The following BABAM2 variants were observed in gnomAD, a reference collection of about 807,000 sequenced individuals.
BABAM2 encodes BRISC and BRCA1-A complex member 2.
A neutral mutation model predicts 54.7 loss-of-function variants in BABAM2; 31 were observed. The observed-to-expected ratio is 0.57, with a 90% CI of 0.43 to 0.77. The LOEUF is 0.77. BABAM2 is among the 30% of genes least tolerant of loss of function. BABAM2 has a pLI of 0.00. For synonymous variants in BABAM2, 167 were observed against 162.9 expected (o/e 1.03, Z -0.19); for missense variants, 364 against 455.8 (o/e 0.80, Z 1.83).
At chr2:28,224,927 T>C (rs1680749120) in intron 7 of BABAM2, among the ~76,000 whole-genome samples, 1 of 151,510 alleles carries the variant, frequency 6.6e-6, no homozygotes, top group Non-Finnish European at 1.5e-5. Context: ...CTTTATTTGA[T>C]GTGGTTCTTT....
chr2:28,096,867 T>G (rs968719183), intron 6 of BABAM2, among the ~76,000 whole-genome samples: 1 of 152,160 alleles, frequency 6.6e-6, no homozygotes, highest in African/African-American at 2.4e-5. Flanking sequence ...AGTAGAATTA[T>G]TGGGCCAAAG....
At chr2:27,915,940 T>C (rs1666937493) in intron 2 of BABAM2, among the ~76,000 whole-genome samples, 1 of 152,230 alleles carries the variant, frequency 6.6e-6, no homozygotes, top group South Asian at 2.1e-4. Context: ...TACTCTGCTT[T>C]TGTGCTTTCC....
chr2:28,097,809 G>A (rs115747209), intron 6 of BABAM2, among the ~76,000 whole-genome samples: 3,041 of 152,244 alleles, frequency 0.02, 34 homozygotes, highest in African/African-American at 0.033. Flanking sequence ...GTGAGCTTAA[G>A]GCTCTAACTT....
intron 11 of BABAM2, among the ~76,000 whole-genome samples, chr2:28,320,734 A>G (rs897509949): frequency 1.3e-5 from 2 of 152,214 alleles, no homozygotes; most frequent in Non-Finnish European, 2.9e-5. Flanking sequence ...TGCAGAAGGC[A>G]GGAAGACCCT....
chr2:28,094,907 C>CTTTT (rs202097046), intron 6 of BABAM2, among the ~76,000 whole-genome samples: 1 of 130,656 alleles, frequency 7.7e-6, no homozygotes, highest in African/African-American at 2.8e-5. Flanking sequence ...GCTCCCTCTT[C>CTTTT]TTTTTTTTTT....
At chr2:28,101,584 C>G (rs1409737468) in intron 6 of BABAM2, among the ~76,000 whole-genome samples, 3 of 152,144 alleles carry the variant, frequency 2.0e-5, no homozygotes, top group Non-Finnish European at 4.4e-5. Flanking sequence ...CTGTGGTTGT[C>G]CTATCCCCAG....
intron 10 of BABAM2, among the ~76,000 whole-genome samples, chr2:28,289,802 A>AGAAAG (rs1274778649): frequency 6.6e-6 from 1 of 152,180 alleles, no homozygotes; most frequent in Non-Finnish European, 1.5e-5. Flanking sequence ...AAAGAAAAAA[A>AGAAAG]GAAAGGAAAG....
rs369495423 is a variant in BABAM2 at position 27,951,993 on chromosome 2, A to G, written c.205+22085A>G. Among the ~76,000 whole-genome samples, 22 of 152,332 alleles carry G rather than the reference A, an allele frequency of 1.4e-4. 1 individual carries two copies. Among genetic ancestry groups the G allele is most frequent in the African/African-American group, 4.8e-4 (20 of 41,574 alleles). ...AAGAAGGATATGGAAATCACAAACT[A>G]TAATTGTGGATTTGTCTACTTCTTC... On this transcript the variant is annotated intron_variant, in intron 3 of 11. Transcript: ENST00000379624.
intron 5 of BABAM2, 48 bp downstream of exon 5, chr2:28,025,468 A>G: frequency 6.8e-7 from 1 of 1,477,494 alleles, no homozygotes; most frequent in Non-Finnish European, 9.0e-7. Flanking sequence ...TCCATAATAA[A>G]ATAATCAATT....
chr2:28,034,926 G>A (rs918194067), intron 5 of BABAM2, among the ~76,000 whole-genome samples: 2 of 152,064 alleles, frequency 1.3e-5, no homozygotes, highest in African/African-American at 2.4e-5. Flanking sequence ...CGGGATTAAC[G>A]TTAATGGGAA....
intron 8 of BABAM2, among the ~76,000 whole-genome samples, chr2:28,239,954 C>G (rs1411698338): frequency 1.3e-5 from 2 of 152,164 alleles, no homozygotes; most frequent in Non-Finnish European, 2.9e-5. Context: ...CCAGTATCAT[C>G]TAGGAAGTTT....
At chr2:28,275,890 C>G (rs1047721602) in intron 10 of BABAM2, among the ~76,000 whole-genome samples, 21 of 152,026 alleles carry the variant, frequency 1.4e-4, no homozygotes, top group African/African-American at 4.8e-4. Context: ...TCAAAGAATT[C>G]CTTCCTCCAG....
chr2:28,183,870 T>C (rs1334624955), intron 7 of BABAM2, among the ~76,000 whole-genome samples: 7 of 152,182 alleles, frequency 4.6e-5, no homozygotes, highest in Admixed American at 2.0e-4. Context: ...TGTTTGTGTA[T>C]GTGCTTTTCC....
At chr2:27,956,533 T>C (rs1056444508) in intron 3 of BABAM2, among the ~76,000 whole-genome samples, 1 of 152,138 alleles carries the variant, frequency 6.6e-6, no homozygotes, top group Non-Finnish European at 1.5e-5. Context: ...ACCCACACAG[T>C]AGACAATCAG....
chr2:28,219,290 A>G (rs909577102), intron 7 of BABAM2, among the ~76,000 whole-genome samples: 37 of 152,334 alleles, frequency 2.4e-4, no homozygotes, highest in Middle Eastern at 3.4e-3. Flanking sequence ...TATTTGGCTC[A>G]TAGCCCCCTT....
At chr2:28,037,653 T>C (rs1676761987) in intron 5 of BABAM2, among the ~76,000 whole-genome samples, 1 of 152,206 alleles carries the variant, frequency 6.6e-6, no homozygotes, top group Non-Finnish European at 1.5e-5. Context: ...TTTATACAGG[T>C]TTATTAAACC....
chr2:28,255,756 C>T (rs1006819186), intron 10 of BABAM2, among the ~76,000 whole-genome samples: 1 of 152,118 alleles, frequency 6.6e-6, no homozygotes, highest in African/African-American at 2.4e-5. Flanking sequence ...GCCTCAGCCT[C>T]CCAGGCCCAA....
At chr2:27,938,397 C>CT (rs948792045) in intron 3 of BABAM2, among the ~76,000 whole-genome samples, 112 of 144,426 alleles carry the variant, frequency 7.8e-4, no homozygotes, top group South Asian at 8.8e-4. Flanking sequence ...AGGTCTTTGC[C>CT]TTTTTTTTTT....
intron 10 of BABAM2, among the ~76,000 whole-genome samples, chr2:28,267,529 C>G (rs1685089225): frequency 6.6e-6 from 1 of 152,118 alleles, no homozygotes; most frequent in Non-Finnish European, 1.5e-5. Flanking sequence ...CAAGCAACCC[C>G]CAGTCTCTGT....
Sources: gnomAD v4.1 joint callset for allele counts (sites outside exome capture counted in the v4.1 genomes callset) on GRCh38, gnomAD v4.1.1 for gene constraint, MANE v1.5 for transcripts, NCBI Gene and HGNC (gene_info 2026-07-23, HGNC 2026-07-21) for gene names.